The following ZNF721 variants were observed in gnomAD, a reference collection of about 807,000 sequenced individuals.
The protein encoded by ZNF721 is zinc finger protein 721.
A neutral mutation model predicts 2.4 loss-of-function variants in ZNF721; 2 were observed. The observed-to-expected ratio is 0.82, with a 90% CI of 0.34 to 2.58. ZNF721 has a LOEUF of 2.58. Ranked by LOEUF, ZNF721 falls within the 30% of genes most tolerant of loss-of-function variation. The pLI, the probability that ZNF721 is intolerant of heterozygous loss-of-function variation, is 0.11. For missense variants in ZNF721, 1,187 were observed against 1,085.5 expected (o/e 1.09, Z -1.31); for synonymous variants, 398 against 381.8 (o/e 1.04, Z -0.50).
intron 2 of ZNF721, among the ~76,000 whole-genome samples, chr4:458,119 C>A (rs879954914): frequency 7.9e-5 from 12 of 152,228 alleles, no homozygotes; most frequent in Admixed American, 1.3e-4. Flanking sequence ...AGCGACACAG[C>A]GGGAGCCACA....
In ZNF721 at chr4:485,885, G is replaced by A. The variant is rs372850804; in HGVS notation, c.-94+13171C>T. 5.6e-4 allele frequency among the ~76,000 whole-genome samples: 86 copies of A among 152,282 alleles called. 4 individuals carry two copies. In the East Asian group the frequency reaches 0.015, roughly 26 times the overall value. On this transcript the variant is annotated intron_variant, in intron 1 of 2. Transcript: ENST00000511833. The stretch of plus-strand genomic sequence containing the variant: ...AGCTACTTGGGAGGCTGAGGCAGGA[G>A]AATTGCTTGAACCGAGGAGGTAGAG...
chr4:459,195 C>T (rs1315739513), intron 2 of ZNF721, among the ~76,000 whole-genome samples: 2 of 152,148 alleles, frequency 1.3e-5, no homozygotes, highest in East Asian at 3.9e-4. Flanking sequence ...TCTGCAAAAA[C>T]ATACCAAACT....
intron 1 of ZNF721, among the ~76,000 whole-genome samples, chr4:485,335 A>G (rs1715866690): frequency 6.6e-6 from 1 of 151,990 alleles, no homozygotes; most frequent in Non-Finnish European, 1.5e-5. Flanking sequence ...TGGGGAATGC[A>G]ATTTCTTACA....
rs1716532607 is a variant in ZNF721 at position 499,106 on chromosome 4, G to T, written c.-144C>A. 5.4e-6 allele frequency: 3 copies of T among 556,894 alleles called. No individual in the cohort carries two copies. The Admixed American group carries it at 1.1e-4, about 20-fold the overall frequency. 34.5% of individuals were successfully genotyped at this position (556,894 alleles called of 1,614,324 possible). A position where few individuals can be genotyped will look rare whatever the true frequency, so the allele number is the denominator to read the frequency against. On this transcript the variant is annotated 5_prime_UTR_variant, in exon 1 of 3. Coordinates refer to ENST00000511833, the MANE Select transcript of ZNF721 (RefSeq NM_133474.4). ...GACTCGCCGGGAAGACGGCCCCACG[G>T]AGCCGGGAACACCGCCCGCTGTTCG...
chr4:473,243 G>C (rs1553868031), intron 1 of ZNF721, among the ~76,000 whole-genome samples: 1 of 152,104 alleles, frequency 6.6e-6, no homozygotes, highest in Non-Finnish European at 1.5e-5. Context: ...GGTTTGAAAA[G>C]AGTCCATGAG....
chr4:457,909 A>G lies in ZNF721; in HGVS notation c.35-13477T>C, dbSNP rs182622183. On this transcript the variant is annotated intron_variant, in intron 2 of 2. Coordinates refer to ENST00000511833, the MANE Select transcript of ZNF721 (RefSeq NM_133474.4). ...GTCTCTGTCACCTAGAGTCTGAAAG[A>G]AGTCCTGCCAACCCAGAAATCTGGA... 3.6e-3 allele frequency among the ~76,000 whole-genome samples: 553 copies of G among 152,290 alleles called. 13 individuals are homozygous for G. Among genetic ancestry groups the G allele is most frequent in the South Asian group, 2.1e-3 (10 of 4,830 alleles).
chr4:443,008 T>C lies in ZNF721; in HGVS notation c.1459A>G (p.Ser487Gly). 1.2e-6 allele frequency: 2 copies of C among 1,613,850 alleles called. No homozygotes were observed. Among genetic ancestry groups the C allele is most frequent in the Non-Finnish European group, 1.7e-6 (2 of 1,179,766 alleles). ...QCGKVITSSS[S>G]FAKHKRIHTG... The stretch of plus-strand genomic sequence containing the variant: ...TGAATCCTCTTATGTTTAGCAAAGC[T>C]TGAGGATGAGGTAATGACTTTGCCA... Residue 487 changes from serine to glycine, a missense_variant, in exon 3 of 3, where the codon AGC becomes GGC. Ser to Gly is a moderately conservative substitution (Grantham distance 56). Transcript: ENST00000511833.
chr4:442,544 G>A lies in ZNF721; in HGVS notation c.1923C>T (p.Tyr641=). 1 of 1,613,850 alleles carries A rather than the reference G, an allele frequency of 6.2e-7. No homozygotes were observed. ...QKKIYTGEKP[Y]KCEECGKAFA... ...AGGCTTTGCCACACTCTTCACATTTGTAAGGTTTCTCCCCAGTGTAAATTT... is the reference window on the plus strand; with the variant it reads ...AGGCTTTGCCACACTCTTCACATTTATAAGGTTTCTCCCCAGTGTAAATTT... The change falls in exon 3 of 3, where the codon TAC becomes TAT. Residue 641 remains tyrosine, a synonymous_variant. Transcript: ENST00000511833.
At position 440,137 on chromosome 4, in the gene ZNF721, A is replaced by G. The variant is rs1421734277; in HGVS notation, c.*1558T>C. 1 of 152,250 alleles carries G rather than the reference A, an allele frequency of 6.6e-6. No homozygotes were observed. The highest frequency in any genetic ancestry group is 1.5e-5 in the Non-Finnish European group (1 of 68,040). The allele number at this position is 152,250 out of a possible 1,614,324, so 9.4% of individuals were successfully genotyped here. ...ACTAAAATTCAGATTCTCTCTCAGTATAACGCAAAGTATTACTCTGAACAC... is the reference window on the plus strand; with the variant it reads ...ACTAAAATTCAGATTCTCTCTCAGTGTAACGCAAAGTATTACTCTGAACAC... On this transcript the variant is annotated 3_prime_UTR_variant, in exon 3 of 3. Coordinates refer to ENST00000511833, the MANE Select transcript of ZNF721 (RefSeq NM_133474.4).
At chr4:489,234 C>A (rs1363203672) in intron 1 of ZNF721, among the ~76,000 whole-genome samples, 47 of 152,122 alleles carry the variant, frequency 3.1e-4, no homozygotes, top group African/African-American at 1.1e-3. Context: ...GATCCAACAC[C>A]CTTAGGGGAG....
At chr4:478,082 C>T (rs1262216356) in intron 1 of ZNF721, among the ~76,000 whole-genome samples, 1 of 152,214 alleles carries the variant, frequency 6.6e-6, no homozygotes, top group Non-Finnish European at 1.5e-5. Context: ...ACACGGAACT[C>T]TCAGGGCAGT....
chr4:445,439 A>G (rs1262603251), intron 2 of ZNF721, among the ~76,000 whole-genome samples: 1 of 152,228 alleles, frequency 6.6e-6, no homozygotes, highest in African/African-American at 2.4e-5. Context: ...ACAAAGCAAC[A>G]TAATAAAGAT....
intron 1 of ZNF721, among the ~76,000 whole-genome samples, chr4:473,078 C>T (rs1399677839): frequency 1.3e-5 from 2 of 152,070 alleles, no homozygotes; most frequent in Admixed American, 6.6e-5. Flanking sequence ...CCACCCAGAA[C>T]AATAGACAGG....
chr4:487,198 TTC>T lies in ZNF721; in HGVS notation c.-94+11856_-94+11857del, dbSNP rs1465261131. 2.6e-4 allele frequency among the ~76,000 whole-genome samples: 39 copies of T among 152,286 alleles called. 1 individual carries two copies. The highest frequency in any genetic ancestry group is 8.7e-4 in the African/African-American group (36 of 41,570). ...ATAGTCGTTCCTATCAAGAGACAGATTCTGTTTCCCAAACTTGAATCTCTTAT... is the reference window on the plus strand; with the variant it reads ...ATAGTCGTTCCTATCAAGAGACAGATTGTTTCCCAAACTTGAATCTCTTAT... On this transcript the variant is annotated intron_variant, in intron 1 of 2. Coordinates refer to ENST00000511833, the MANE Select transcript of ZNF721 (RefSeq NM_133474.4).
chr4:468,851 C>G (rs1323451457), intron 2 of ZNF721, among the ~76,000 whole-genome samples: 2 of 152,224 alleles, frequency 1.3e-5, no homozygotes, highest in African/African-American at 4.8e-5. Context: ...AAGCCAAGAT[C>G]TGCAAGCATG....
rs1714177221 is a variant in ZNF721 at position 440,032 on chromosome 4, A to G, written c.*1663T>C. 1 of 150,548 alleles carries G rather than the reference A, an allele frequency of 6.6e-6. No homozygotes were observed. The highest frequency in any genetic ancestry group is 1.5e-5 in the Non-Finnish European group (1 of 67,926). 9.3% of individuals were successfully genotyped at this position (150,548 alleles called of 1,614,324 possible). A position where few individuals can be genotyped will look rare whatever the true frequency, so the allele number is the denominator to read the frequency against. ...TTTATTTCAAAAATTAAGTTCACAC[A>G]TTATCTTAAGAGAATTTTAAAATTT... On this transcript the variant is annotated 3_prime_UTR_variant, in exon 3 of 3. Coordinates refer to ENST00000511833, the MANE Select transcript of ZNF721 (RefSeq NM_133474.4).
chr4:490,075 G>T (rs1425888631), intron 1 of ZNF721, among the ~76,000 whole-genome samples: 1 of 151,898 alleles, frequency 6.6e-6, no homozygotes, highest in African/African-American at 2.4e-5. Flanking sequence ...GGCCAGGATG[G>T]TTTAGATCCC....
At chr4:486,158 T>A (rs1276084397) in intron 1 of ZNF721, among the ~76,000 whole-genome samples, 1 of 93,818 alleles carries the variant, frequency 1.1e-5, no homozygotes, top group African/African-American at 2.8e-5. Flanking sequence ...TCTTTTTTTT[T>A]TCTTTTCTTT....
chr4:460,968 C>CA (rs1245161664), intron 2 of ZNF721, among the ~76,000 whole-genome samples: 6 of 151,992 alleles, frequency 3.9e-5, no homozygotes, highest in Non-Finnish European at 5.9e-5. Context: ...GCCTACCAAC[C>CA]AAAAAAAGCC....
Sources: gnomAD v4.1 joint callset for allele counts (sites outside exome capture counted in the v4.1 genomes callset) on GRCh38, gnomAD v4.1.1 for gene constraint, MANE v1.5 for transcripts, NCBI Gene and HGNC (gene_info 2026-07-23, HGNC 2026-07-21) for gene names.